The following NTM variants were observed in gnomAD, a reference collection of about 807,000 sequenced individuals.
NTM encodes neurotrimin.
A neutral mutation model predicts 42.1 loss-of-function variants in NTM; 13 were observed. That is an observed-to-expected ratio of 0.31 (90% confidence interval 0.20 to 0.49). The LOEUF (loss-of-function observed/expected upper bound fraction) is 0.49. Ranked by LOEUF, NTM falls within the 20% of genes least tolerant of loss-of-function variation. The probability of loss-of-function intolerance (pLI) is 0.99; values close to 1 mark genes in which losing one functional copy is unlikely to be tolerated. For synonymous variants in NTM, 187 were observed against 179.2 expected (o/e 1.04, Z -0.35); for missense variants, 373 against 452.8 (o/e 0.82, Z 1.60).
intron 4 of NTM, among the ~76,000 whole-genome samples, chr11:132,263,659 G>A (rs2093005359): frequency 6.6e-6 from 1 of 151,546 alleles, no homozygotes; most frequent in Non-Finnish European, 1.5e-5. Context: ...GTTATTATTA[G>A]CAGTCAAGAG....
At chr11:131,477,224 C>T (rs945185202) in intron 1 of NTM, among the ~76,000 whole-genome samples, 1 of 152,050 alleles carries the variant, frequency 6.6e-6, no homozygotes, top group Non-Finnish European at 1.5e-5. Context: ...GAATCCTAGT[C>T]ATAACAAATC....
At chr11:131,466,279 A>G (rs975930369) in intron 1 of NTM, among the ~76,000 whole-genome samples, 1 of 152,210 alleles carries the variant, frequency 6.6e-6, no homozygotes, top group African/African-American at 2.4e-5. Context: ...CAAGCTACAA[A>G]TGCAGCCCAG....
intron 1 of NTM, among the ~76,000 whole-genome samples, chr11:131,396,874 T>C (rs1944622275): frequency 6.6e-6 from 1 of 152,128 alleles, no homozygotes; most frequent in African/African-American, 2.4e-5. Flanking sequence ...ACACCAATTC[T>C]GTTATTGATT....
intron 1 of NTM, among the ~76,000 whole-genome samples, chr11:131,562,700 G>C (rs1190084698): frequency 6.6e-6 from 1 of 152,184 alleles, no homozygotes; most frequent in Non-Finnish European, 1.5e-5. Flanking sequence ...GGCTAACATA[G>C]AGGTTAGATA....
intron 1 of NTM, among the ~76,000 whole-genome samples, chr11:131,438,498 C>T (rs990136608): frequency 7.9e-5 from 12 of 152,174 alleles, no homozygotes; most frequent in African/African-American, 2.7e-4. Flanking sequence ...TCTTTTTTCT[C>T]TAAACTTTGC....
chr11:132,292,787 TAAAAAAA>T (rs61603794), intron 4 of NTM, among the ~76,000 whole-genome samples: 4 of 56,572 alleles, frequency 7.1e-5, no homozygotes, highest in Admixed American at 2.2e-4. Context: ...GATGTAAAAG[TAAAAAAA>T]AAAAAAAAAA....
At chr11:131,478,133 T>C (rs1010616335) in intron 1 of NTM, among the ~76,000 whole-genome samples, 1 of 152,270 alleles carries the variant, frequency 6.6e-6, no homozygotes, top group Non-Finnish European at 1.5e-5. Context: ...TTTTGACTTT[T>C]CATGGCCCGG....
rs1565685268 is a variant in NTM, at chr11:131,598,725, TTCTTTCTTTC to T, written c.82+227839_82+227848del. On this transcript the variant is annotated intron_variant, in intron 1 of 8. Transcript: ENST00000683400. ...TTTCTTTCTTTCTTTCTTTCTTTCT[TTCTTTCTTTC>T]TTTCTTTCTTTCTTTCTTTCTTCTT... 2.2e-5 allele frequency among the ~76,000 whole-genome samples: 2 copies of T among 91,556 alleles called. 1 individual carries two copies. 60.1% of individuals were successfully genotyped at this position (91,556 alleles called of 152,430 possible).
At chr11:132,124,805 C>G (rs1000369933) in intron 2 of NTM, among the ~76,000 whole-genome samples, 1 of 152,104 alleles carries the variant, frequency 6.6e-6, no homozygotes, top group African/African-American at 2.4e-5. Context: ...CATAACAAGA[C>G]CCTGTCTCTA....
chr11:131,768,121 ATTTTT>A (rs200565983), intron 1 of NTM, among the ~76,000 whole-genome samples: 2 of 121,510 alleles, frequency 1.6e-5, no homozygotes, highest in Non-Finnish European at 1.7e-5. Context: ...GCAAAAACTT[ATTTTT>A]TTTTTTTTTT....
At chr11:131,393,535 G>A (rs540627134) in intron 1 of NTM, among the ~76,000 whole-genome samples, 17 of 152,248 alleles carry the variant, frequency 1.1e-4, no homozygotes, top group African/African-American at 2.6e-4. Context: ...AGCAGCAACC[G>A]CCCATCCTTC....
At chr11:131,536,481 T>C (rs1042548408) in intron 1 of NTM, 3 of 152,220 alleles carry the variant, frequency 2.0e-5, no homozygotes, top group Non-Finnish European at 4.4e-5. Flanking sequence ...ACATAGAAGA[T>C]AAACTAAAGT....
At chr11:131,679,988 C>A (rs1043309430) in intron 1 of NTM, among the ~76,000 whole-genome samples, 2 of 152,126 alleles carry the variant, frequency 1.3e-5, no homozygotes, top group Non-Finnish European at 2.9e-5. Flanking sequence ...GAGTGAAGCG[C>A]CTTGAGAAAG....
intron 2 of NTM, among the ~76,000 whole-genome samples, chr11:132,021,652 T>C (rs1278251145): frequency 6.6e-6 from 1 of 152,200 alleles, no homozygotes. Context: ...TTTTAAATTT[T>C]CTTTAATTTT....
intron 1 of NTM, among the ~76,000 whole-genome samples, chr11:131,834,478 T>A (rs527412094): frequency 6.6e-6 from 1 of 152,082 alleles, no homozygotes; most frequent in South Asian, 2.1e-4. Flanking sequence ...TAGAATAGGA[T>A]CTGACGACGT....
chr11:131,412,924 G>A (rs1260828961), intron 1 of NTM, among the ~76,000 whole-genome samples: 1 of 152,128 alleles, frequency 6.6e-6, no homozygotes, highest in Non-Finnish European at 1.5e-5. Flanking sequence ...GTCATCAATG[G>A]TTTTAGATTC....
intron 1 of NTM, among the ~76,000 whole-genome samples, chr11:131,789,614 AAG>A (rs1440367192): frequency 1.2e-5 from 1 of 83,462 alleles, no homozygotes; most frequent in African/African-American, 5.0e-5. Flanking sequence ...GAAGAAGAAG[AAG>A]AAGAAGAAGA....
intron 2 of NTM, among the ~76,000 whole-genome samples, chr11:132,057,267 G>T (rs2079846499): frequency 6.8e-6 from 1 of 146,548 alleles, no homozygotes; most frequent in African/African-American, 2.5e-5. Flanking sequence ...AATATACGGT[G>T]TATTTTGGAT....
chr11:131,803,046 C>A (rs937751208), intron 1 of NTM, among the ~76,000 whole-genome samples: 3 of 152,146 alleles, frequency 2.0e-5, no homozygotes, highest in East Asian at 1.9e-4. Context: ...TACCTGGCAC[C>A]CTCCATTTCC....
Sources: allele counts gnomAD v4.1 joint callset (sites outside exome capture counted in the v4.1 genomes callset), GRCh38; gene constraint gnomAD v4.1.1; transcripts MANE v1.5; gene names NCBI Gene and HGNC (gene_info 2026-07-23, HGNC 2026-07-21).